SPMIP11: variants seen among roughly 807,000 people sequenced by gnomAD.
SPMIP11 encodes the protein sperm microtubule inner protein 11, also known as long intergenic non-protein coding RNA 935.
At chr12:48,729,153 G>C in the SPMIP11 span, among the ~76,000 whole-genome samples, 1 of 152,184 alleles carries the variant, frequency 6.6e-6, no homozygotes, top group Non-Finnish European at 1.5e-5. Context: ...TGTAATCCCA[G>C]CACTTTGAGA....
At chr12:48,733,764 CTTTTTT>C in the SPMIP11 span, among the ~76,000 whole-genome samples, 4 of 82,896 alleles carry the variant, frequency 4.8e-5, no homozygotes, top group African/African-American at 1.9e-4. Flanking sequence ...AATGCAGATT[CTTTTTT>C]TTTTTTTTTT....
chr12:48,759,367 A>G, the SPMIP11 span: 4 of 701,542 alleles, frequency 5.7e-6, no homozygotes, highest in Non-Finnish European at 1.0e-5. Flanking sequence ...GCTAGGAGAA[A>G]AAAAGATATG....
At chr12:48,769,424 A>C in the SPMIP11 span, among the ~76,000 whole-genome samples, 1 of 151,208 alleles carries the variant, frequency 6.6e-6, no homozygotes, top group South Asian at 2.1e-4. Context: ...AAAAAAAAAA[A>C]AAAAAAAAAA....
chr12:48,757,610 C>T, the SPMIP11 span, among the ~76,000 whole-genome samples: 627 of 149,996 alleles, frequency 4.2e-3, 5 homozygotes, highest in African/African-American at 0.014. Flanking sequence ...CACACCACTG[C>T]ACTGCAGCCT....
At chr12:48,751,727 CCTTATTGTAGAGA>C in the SPMIP11 span, among the ~76,000 whole-genome samples, 1,008 of 152,058 alleles carry the variant, frequency 6.6e-3, 3 homozygotes, top group Non-Finnish European at 0.01. Context: ...ATAATGTCTG[CCTTATTGTAGAGA>C]CTTATTGTAG....
At chr12:48,738,627 G>A in the SPMIP11 span, among the ~76,000 whole-genome samples, 21 of 151,272 alleles carry the variant, frequency 1.4e-4, no homozygotes, top group African/African-American at 3.4e-4. Context: ...CTCCGCCTCC[G>A]GGGTTCATGC....
the SPMIP11 span, among the ~76,000 whole-genome samples, chr12:48,728,483 C>T: frequency 1.3e-5 from 2 of 151,930 alleles, no homozygotes; most frequent in Non-Finnish European, 2.9e-5. Flanking sequence ...CCGAGGCGGG[C>T]GGATCACGAG....
chr12:48,736,184 C>G, the SPMIP11 span: 7 of 396,718 alleles, frequency 1.8e-5, no homozygotes, highest in Non-Finnish European at 3.5e-5. Flanking sequence ...TGAGTGGATT[C>G]CTTGAGCCCA....
chr12:48,766,716 G>A, the SPMIP11 span: 4 of 152,590 alleles, frequency 2.6e-5, no homozygotes, highest in Non-Finnish European at 4.4e-5. Flanking sequence ...TGTCAGAAGG[G>A]GCATGAGGAG....
chr12:48,749,933 C>A, the SPMIP11 span, among the ~76,000 whole-genome samples: 1 of 151,560 alleles, frequency 6.6e-6, no homozygotes, highest in Non-Finnish European at 1.5e-5. Flanking sequence ...CCTCGTGATC[C>A]GCCTGCCTCG....
At chr12:48,727,775 G>C in the SPMIP11 span, among the ~76,000 whole-genome samples, 1 of 152,142 alleles carries the variant, frequency 6.6e-6, no homozygotes, top group South Asian at 2.1e-4. Context: ...ATTTGGGCCA[G>C]GTGCAGTAGC....
the SPMIP11 span, among the ~76,000 whole-genome samples, chr12:48,742,738 A>G: frequency 3.3e-5 from 5 of 151,882 alleles, no homozygotes; most frequent in East Asian, 2.0e-4. Flanking sequence ...ATACAAAATT[A>G]GCCGGGCATG....
the SPMIP11 span, among the ~76,000 whole-genome samples, chr12:48,749,695 C>CT: frequency 2.9e-3 from 341 of 116,648 alleles, 2 homozygotes; most frequent in Non-Finnish European, 4.7e-3. Flanking sequence ...TCTTCTTCTT[C>CT]TTTTTTTTTT....
At chr12:48,768,981 C>T in the SPMIP11 span, 4 of 1,614,086 alleles carry the variant, frequency 2.5e-6, no homozygotes, top group Non-Finnish European at 3.4e-6. Flanking sequence ...CGACTAGAGA[C>T]ATTCACTGTG....
At chr12:48,734,276 C>A in the SPMIP11 span, among the ~76,000 whole-genome samples, 1 of 151,460 alleles carries the variant, frequency 6.6e-6, no homozygotes, top group African/African-American at 2.4e-5. Context: ...CAGAGCCCCA[C>A]CCTGCTAATT....
chr12:48,737,979 A>C, the SPMIP11 span, among the ~76,000 whole-genome samples: 4 of 151,924 alleles, frequency 2.6e-5, no homozygotes, highest in South Asian at 6.2e-4. Flanking sequence ...GCAGGCTACC[A>C]TGTCTGGCTA....
At chr12:48,764,914 A>G in the SPMIP11 span, 6 of 702,970 alleles carry the variant, frequency 8.5e-6, no homozygotes, top group Non-Finnish European at 1.6e-5. Flanking sequence ...TGGTGGTCCC[A>G]TGATCCAGGA....
At chr12:48,743,577 C>T in the SPMIP11 span, among the ~76,000 whole-genome samples, 3 of 151,736 alleles carry the variant, frequency 2.0e-5, no homozygotes, top group South Asian at 2.1e-4. Context: ...GAGGCCAAGG[C>T]GGGCAGATTG....
the SPMIP11 span, among the ~76,000 whole-genome samples, chr12:48,763,698 TGA>T: frequency 6.7e-6 from 1 of 149,216 alleles, no homozygotes; most frequent in African/African-American, 2.5e-5. Flanking sequence ...TTTTTTTTTT[TGA>T]GACAGTCTCG....
Sources: allele counts gnomAD v4.1 joint callset (sites outside exome capture counted in the v4.1 genomes callset), GRCh38; gene constraint gnomAD v4.1.1; transcripts MANE v1.5; gene names NCBI Gene and HGNC (gene_info 2026-07-23, HGNC 2026-07-21).